CNTNAP2: variants seen among roughly 807,000 people sequenced by gnomAD.
CNTNAP2 encodes the protein contactin-associated protein-like 2.
A neutral mutation model predicts 155.2 loss-of-function variants in CNTNAP2; 98 were observed. The observed-to-expected ratio is 0.63, with a 90% CI of 0.54 to 0.75. The LOEUF (loss-of-function observed/expected upper bound fraction) is 0.75, where lower values mean the gene tolerates loss of function less well. Ranked by LOEUF, CNTNAP2 falls within the 30% of genes least tolerant of loss-of-function variation. The pLI is 0.00. For synonymous variants in CNTNAP2, 651 were observed against 631.2 expected (o/e 1.03, Z -0.47); for missense variants, 1,727 against 1,688.1 (o/e 1.02, Z -0.40).
At chr7:148,234,237 C>T (rs6952506) in intron 20 of CNTNAP2, among the ~76,000 whole-genome samples, 53,837 of 152,038 alleles carry the variant, frequency 0.35, 10,829 homozygotes, top group East Asian at 0.64. Context: ...AACCCAGGTC[C>T]GTCATACTTC....
At chr7:146,740,746 C>T (rs1300238758) in intron 1 of CNTNAP2, among the ~76,000 whole-genome samples, 1 of 152,168 alleles carries the variant, frequency 6.6e-6, no homozygotes, top group Non-Finnish European at 1.5e-5. Flanking sequence ...ATGACACTGC[C>T]AAAAGCCTGG....
At chr7:147,573,222 C>T (rs1199580384) in intron 12 of CNTNAP2, among the ~76,000 whole-genome samples, 1 of 152,076 alleles carries the variant, frequency 6.6e-6, no homozygotes, top group African/African-American at 2.4e-5. Flanking sequence ...GAAAAAATAT[C>T]CCTGTGGATG....
intron 13 of CNTNAP2, among the ~76,000 whole-genome samples, chr7:147,720,882 T>C (rs1189208329): frequency 6.6e-6 from 1 of 152,062 alleles, no homozygotes; most frequent in East Asian, 1.9e-4. Context: ...GGTATCAAGG[T>C]CTTTATGGTT....
chr7:146,956,519 A>T (rs1466893537), intron 3 of CNTNAP2, among the ~76,000 whole-genome samples: 4 of 152,180 alleles, frequency 2.6e-5, no homozygotes, highest in Non-Finnish European at 5.9e-5. Flanking sequence ...TGCAATTTGC[A>T]ATTATCTCCT....
intron 1 of CNTNAP2, among the ~76,000 whole-genome samples, chr7:146,599,262 A>G (rs1474807901): frequency 3.3e-5 from 5 of 152,064 alleles, no homozygotes; most frequent in Non-Finnish European, 5.9e-5. Context: ...TAAAATAATC[A>G]TTCAATATTA....
intron 4 of CNTNAP2, among the ~76,000 whole-genome samples, chr7:147,083,674 ATAT>A (rs200850891): frequency 0.031 from 4,435 of 144,886 alleles, 217 homozygotes; most frequent in African/African-American, 0.099. Flanking sequence ...TATATAATAC[ATAT>A]TATATATGAT....
chr7:147,632,323 C>A (rs1344903288), intron 12 of CNTNAP2, among the ~76,000 whole-genome samples: 2 of 152,112 alleles, frequency 1.3e-5, no homozygotes, highest in Non-Finnish European at 2.9e-5. Context: ...CAAATCTCAT[C>A]TTGAATTGTA....
intron 1 of CNTNAP2, among the ~76,000 whole-genome samples, chr7:146,531,979 G>A (rs1797777187): frequency 6.6e-6 from 1 of 151,946 alleles, no homozygotes. Flanking sequence ...CAAGATAGGG[G>A]GAGGTATGTT....
chr7:147,605,724 C>T (rs11982531), intron 12 of CNTNAP2, among the ~76,000 whole-genome samples: 58,885 of 151,810 alleles, frequency 0.39, 11,457 homozygotes, highest in Admixed American at 0.43. Context: ...GTTCTCCCTG[C>T]GCTTTTGGGG....
intron 3 of CNTNAP2, among the ~76,000 whole-genome samples, chr7:146,905,663 T>C (rs1235508845): frequency 6.6e-6 from 1 of 152,240 alleles, no homozygotes; most frequent in East Asian, 1.9e-4. Flanking sequence ...TAGCTGTCAT[T>C]TGCCCTCCTT....
chr7:146,931,175 C>T (rs1337740786), intron 3 of CNTNAP2, among the ~76,000 whole-genome samples: 1 of 151,850 alleles, frequency 6.6e-6, no homozygotes, highest in East Asian at 1.9e-4. Flanking sequence ...AAATTGACCA[C>T]ATAGTTGGAA....
At chr7:146,821,560 G>C (rs533655072) in intron 2 of CNTNAP2, among the ~76,000 whole-genome samples, 66 of 152,078 alleles carry the variant, frequency 4.3e-4, no homozygotes, top group African/African-American at 1.6e-3. Flanking sequence ...GAAAATGTTC[G>C]CAACCTACTC....
At chr7:146,778,093 T>C (rs552605568) in intron 2 of CNTNAP2, among the ~76,000 whole-genome samples, 1 of 152,262 alleles carries the variant, frequency 6.6e-6, no homozygotes, top group Admixed American at 6.5e-5. Flanking sequence ...GAAGATCATA[T>C]ACTAACAGAA....
intron 1 of CNTNAP2, among the ~76,000 whole-genome samples, chr7:146,407,779 G>A (rs953242901): frequency 2.6e-5 from 4 of 151,692 alleles, no homozygotes; most frequent in South Asian, 2.1e-4. Context: ...CTTCTTCTAC[G>A]TCTGCCACCA....
chr7:147,584,256 G>A (rs544452393), intron 12 of CNTNAP2, among the ~76,000 whole-genome samples: 1 of 152,298 alleles, frequency 6.6e-6, no homozygotes, highest in East Asian at 1.9e-4. Context: ...GTTCACGATA[G>A]AGTGGTGTAT....
intron 4 of CNTNAP2, among the ~76,000 whole-genome samples, chr7:147,106,544 GA>G (rs1800770001): frequency 6.6e-6 from 1 of 151,982 alleles, no homozygotes; most frequent in African/African-American, 2.4e-5. Context: ...ATAAAGAGCT[GA>G]TTATAAGAAT....
chr7:146,584,622 G>T (rs1798659482), intron 1 of CNTNAP2, among the ~76,000 whole-genome samples: 1 of 152,130 alleles, frequency 6.6e-6, no homozygotes, highest in Non-Finnish European at 1.5e-5. Context: ...CATCAGAAGA[G>T]AGTGCATTAT....
intron 21 of CNTNAP2, among the ~76,000 whole-genome samples, chr7:148,369,464 C>T (rs998423609): frequency 3.3e-5 from 5 of 151,414 alleles, no homozygotes; most frequent in African/African-American, 1.2e-4. Context: ...AGGATGGTCT[C>T]GAACTCCTGG....
intron 15 of CNTNAP2, among the ~76,000 whole-genome samples, chr7:148,096,376 G>C (rs1803971284): frequency 6.6e-6 from 1 of 151,334 alleles, no homozygotes; most frequent in African/African-American, 2.4e-5. Context: ...TATAAGTATA[G>C]ATATAGGCCA....
Sources: gnomAD v4.1 joint callset for allele counts (sites outside exome capture counted in the v4.1 genomes callset) on GRCh38, gnomAD v4.1.1 for gene constraint, MANE v1.5 for transcripts, NCBI Gene and HGNC (gene_info 2026-07-23, HGNC 2026-07-21) for gene names.